Variants in MALRD1 observed in about 807,000 individuals in gnomAD.
MALRD1 encodes the protein MAM and LDL-receptor class A domain-containing protein 1.
Under a neutral mutation model 242.1 loss-of-function variants are expected in MALRD1, and 247 were observed. That is an observed-to-expected ratio of 1.02 (90% confidence interval 0.92 to 1.13). MALRD1 has a LOEUF of 1.13. Ranked by LOEUF, MALRD1 falls within the 50% of genes most tolerant of loss-of-function variation. MALRD1 has a pLI of 0.00. For missense variants in MALRD1, 2,989 were observed against 2,533.1 expected (o/e 1.18, Z -3.86); for synonymous variants, 995 against 866.6 (o/e 1.15, Z -2.60).
At chr10:19,578,360 A>G (rs1300728879) in intron 33 of MALRD1, among the ~76,000 whole-genome samples, 2 of 152,140 alleles carry the variant, frequency 1.3e-5, no homozygotes, top group Non-Finnish European at 2.9e-5. Context: ...ATTTTTCACC[A>G]ATGTAAAGTT....
At chr10:19,337,280 G>T (rs1369019151) in intron 24 of MALRD1, among the ~76,000 whole-genome samples, 6 of 152,060 alleles carry the variant, frequency 3.9e-5, no homozygotes, top group Non-Finnish European at 1.5e-5. Context: ...AGTGCTATGA[G>T]AAAAAGATAA....
At chr10:19,323,040 A>G (rs1309071532) in intron 21 of MALRD1, among the ~76,000 whole-genome samples, 1 of 152,144 alleles carries the variant, frequency 6.6e-6, no homozygotes, top group African/African-American at 2.4e-5. Flanking sequence ...TTTATGGCAA[A>G]AAAAAATCGT....
Position 19,331,562 on chromosome 10 carries a change from A to G in MALRD1, c.3881A>G (p.Asp1294Gly). 1 of 1,550,240 alleles carries G rather than the reference A, an allele frequency of 6.5e-7. No individual in the cohort carries two copies. Among genetic ancestry groups the G allele is most frequent in the East Asian group, 2.4e-5 (1 of 40,888 alleles). The change falls in exon 24 of 40, where the codon GAT (aspartate) becomes GGT (glycine). Residue 1294 changes from aspartate to glycine, a missense_variant. By Grantham distance (94) the Asp-to-Gly change is moderately conservative. Coordinates refer to ENST00000454679, the MANE Select transcript of MALRD1 (RefSeq NM_001142308.3). Reference sequence around the variant, plus strand: ...GTGAATGATTGTGCTGATAATTCAGATGAGACTACTTTCATTTGCCGTAAG... The same window carrying G: ...GTGAATGATTGTGCTGATAATTCAGGTGAGACTACTTTCATTTGCCGTAAG... ...DFVNDCADNS[D>G]ETTFICRTSS...
intron 29 of MALRD1, among the ~76,000 whole-genome samples, chr10:19,453,344 G>A (rs1437934669): frequency 6.6e-6 from 1 of 152,140 alleles, no homozygotes; most frequent in African/African-American, 2.4e-5. Context: ...GAGGTGAGTG[G>A]TTACTTAGGT....
intron 14 of MALRD1, among the ~76,000 whole-genome samples, chr10:19,193,766 G>A (rs992684522): frequency 5.9e-5 from 9 of 151,518 alleles, no homozygotes; most frequent in Middle Eastern, 3.4e-3. Flanking sequence ...TTCATATTTT[G>A]GCTCTTTAGG....
chr10:19,245,415 A>G (rs1334133055), intron 18 of MALRD1, among the ~76,000 whole-genome samples: 1 of 152,198 alleles, frequency 6.6e-6, no homozygotes, highest in African/African-American at 2.4e-5. Flanking sequence ...TTTGAGCAAT[A>G]AAATAAATAA....
chr10:19,513,605 A>T (rs547423806), intron 31 of MALRD1, among the ~76,000 whole-genome samples: 139 of 151,940 alleles, frequency 9.1e-4, no homozygotes, highest in African/African-American at 3.3e-3. Context: ...CAGGCGTGGT[A>T]GCGGGTGCCT....
At position 19,692,374 on chromosome 10, in the gene MALRD1, A is replaced by G. The variant is rs940192358; in HGVS notation, c.6217+13A>G. 6 of 1,533,652 alleles carry G rather than the reference A, an allele frequency of 3.9e-6. No individual in the cohort carries two copies. In the African/African-American group the frequency reaches 8.2e-5, roughly 21 times the overall value. On this transcript the variant is annotated intron_variant, in intron 37 of 39. Transcript: ENST00000454679. ...TACGCTCAGAATAGTAGGTGACATT[A>G]TGACTAAATAAATGGCTTGGTTTGG... is the stretch of plus-strand genomic sequence containing the variant.
chr10:19,572,864 G>C (rs1399072695), intron 33 of MALRD1, among the ~76,000 whole-genome samples: 1 of 152,016 alleles, frequency 6.6e-6, no homozygotes, highest in Non-Finnish European at 1.5e-5. Flanking sequence ...GAAAGGAGTG[G>C]AGCAGCTTCT....
chr10:19,699,277 A>AGAAAGGAGG (rs71388858), intron 38 of MALRD1, among the ~76,000 whole-genome samples: 5,918 of 144,500 alleles, frequency 0.041, 211 homozygotes, highest in Middle Eastern at 0.099. Flanking sequence ...TGTACTGTGG[A>AGAAAGGAGG]GAAAGGAGGG....
chr10:19,313,247 T>G (rs1842505013), intron 21 of MALRD1, among the ~76,000 whole-genome samples: 1 of 151,630 alleles, frequency 6.6e-6, no homozygotes, highest in Non-Finnish European at 1.5e-5. Context: ...TAGTCATGAT[T>G]ATAATCCTTA....
chr10:19,655,520 ATGTG>A (rs967610631), intron 36 of MALRD1, among the ~76,000 whole-genome samples: 1 of 135,464 alleles, frequency 7.4e-6, no homozygotes, highest in Non-Finnish European at 1.6e-5. Context: ...GTACATATAT[ATGTG>A]TGAGTGTATA....
At chr10:19,069,541 G>A (rs1166963622) in intron 2 of MALRD1, among the ~76,000 whole-genome samples, 1 of 151,926 alleles carries the variant, frequency 6.6e-6, no homozygotes, top group East Asian at 1.9e-4. Context: ...TCTTCAGCTT[G>A]AAGAAATTCC....
chr10:19,202,361 A>G (rs1836575177), intron 14 of MALRD1, among the ~76,000 whole-genome samples: 3 of 152,174 alleles, frequency 2.0e-5, no homozygotes, highest in African/African-American at 7.2e-5. Flanking sequence ...GAAATTAGAT[A>G]TTTCATAGAA....
At chr10:19,521,940 C>G (rs1473742007) in intron 31 of MALRD1, among the ~76,000 whole-genome samples, 2 of 150,414 alleles carry the variant, frequency 1.3e-5, no homozygotes, top group African/African-American at 5.0e-5. Flanking sequence ...TCTGTCAGCT[C>G]TCTTTCTCAG....
At chr10:19,495,772 C>T (rs1490672065) in intron 30 of MALRD1, among the ~76,000 whole-genome samples, 1 of 152,126 alleles carries the variant, frequency 6.6e-6, no homozygotes, top group Admixed American at 6.5e-5. Context: ...TTAAAAGGCA[C>T]AGAGTGGCAA....
chr10:19,371,135 C>T (rs1051096222), intron 26 of MALRD1, among the ~76,000 whole-genome samples: 6 of 149,914 alleles, frequency 4.0e-5, no homozygotes, highest in Non-Finnish European at 8.9e-5. Flanking sequence ...TGGTGGCATG[C>T]ACCTGTCGTC....
At chr10:19,300,785 C>A (rs962883573) in intron 21 of MALRD1, among the ~76,000 whole-genome samples, 21 of 151,998 alleles carry the variant, frequency 1.4e-4, no homozygotes, top group African/African-American at 5.1e-4. Flanking sequence ...AAATACTATT[C>A]TGGACATATA....
At chr10:19,528,032 T>C (rs1394007635) in intron 31 of MALRD1, among the ~76,000 whole-genome samples, 1 of 152,186 alleles carries the variant, frequency 6.6e-6, no homozygotes, top group African/African-American at 2.4e-5. Flanking sequence ...ATTCCACCTA[T>C]GTTGTGATTT....
Sources: gnomAD v4.1 joint callset for allele counts (sites outside exome capture counted in the v4.1 genomes callset) on GRCh38, gnomAD v4.1.1 for gene constraint, MANE v1.5 for transcripts, NCBI Gene and HGNC (gene_info 2026-07-23, HGNC 2026-07-21) for gene names.